Variants in TRMT1L observed in about 807,000 individuals in gnomAD.
The protein encoded by TRMT1L is tRNA methyltransferase 1L.
Under a neutral mutation model 81.6 loss-of-function variants are expected in TRMT1L, and 28 were observed. The observed-to-expected ratio is 0.34, with a 90% confidence interval of 0.25 to 0.47. The LOEUF (loss-of-function observed/expected upper bound fraction) is 0.47, where lower values mean the gene tolerates loss of function less well. Ranked by LOEUF, TRMT1L falls within the 20% of genes least tolerant of loss-of-function variation. The pLI is 1.00. For synonymous variants in TRMT1L, 301 were observed against 303.2 expected, an observed-to-expected ratio of 0.99 and a Z score of 0.07; for missense variants, 739 against 877.1, an observed-to-expected ratio of 0.84 and a Z score of 1.99.
rs1316047335 is a variant in TRMT1L, at chr1:185,118,325, A to AAATT, written c.*1690_*1693dup. On this transcript the variant is annotated 3_prime_UTR_variant, in exon 15 of 15. Transcript: ENST00000367506. ...TTTGAAAAATCTACCTTTATATGTG[A>AAATT]AATTAATATACACATATATTTTAGG... is the stretch of plus-strand genomic sequence containing the variant. The AAATT allele has an allele frequency of 6.6e-6, 1 of 152,174 alleles. No individual in the cohort carries two copies. Among genetic ancestry groups the AAATT allele is most frequent in the African/African-American group, 2.4e-5 (1 of 41,432 alleles). 9.4% of individuals were successfully genotyped at this position (152,174 alleles called of 1,614,324 possible).
At chr1:185,127,699 T>C (rs1481209459) in intron 11 of TRMT1L, among the ~76,000 whole-genome samples, 2 of 131,972 alleles carry the variant, frequency 1.5e-5, no homozygotes, top group East Asian at 4.5e-4. Flanking sequence ...GCAGAGGTTG[T>C]GGTGAGCCGA....
At chr1:185,147,601 T>C (rs1324314086) in intron 3 of TRMT1L, among the ~76,000 whole-genome samples, 3 of 152,168 alleles carry the variant, frequency 2.0e-5, no homozygotes, top group African/African-American at 4.8e-5. Flanking sequence ...CTTTACCTCA[T>C]GCTATTGATA....
chr1:185,153,757 G>T (rs1653423402), intron 1 of TRMT1L, among the ~76,000 whole-genome samples: 1 of 152,076 alleles, frequency 6.6e-6, no homozygotes, highest in Admixed American at 6.5e-5. Flanking sequence ...TTAAGATTAG[G>T]AGAAACTGAT....
intron 11 of TRMT1L, among the ~76,000 whole-genome samples, chr1:185,128,097 A>G (rs533065389): frequency 6.6e-6 from 1 of 152,142 alleles, no homozygotes; most frequent in South Asian, 2.1e-4. Context: ...CTGGGTGACA[A>G]GAGCGGGACT....
chr1:185,137,368 T>C (rs1652925481), intron 10 of TRMT1L: 2 of 585,412 alleles, frequency 3.4e-6, no homozygotes, highest in South Asian at 1.9e-5. Context: ...AAGTTATTTC[T>C]AGATGTTTCG....
At chr1:185,146,274 C>A (rs1172263736) in intron 4 of TRMT1L, among the ~76,000 whole-genome samples, 1 of 152,006 alleles carries the variant, frequency 6.6e-6, no homozygotes, top group Non-Finnish European at 1.5e-5. Context: ...CAGTACCCCA[C>A]TGAATGTTAG....
In TRMT1L at chr1:185,156,495, G is replaced by C. The variant is rs761591548; in HGVS notation, c.218C>G (p.Pro73Arg). 17 of 1,613,828 alleles carry C rather than the reference G, an allele frequency of 1.1e-5. No homozygotes were observed. The highest frequency in any genetic ancestry group is 1.4e-5 in the Non-Finnish European group (17 of 1,179,910). ...PALSPSLASAPEEAKSKRHIS... is the reference protein window; with the variant it reads ...PALSPSLASAREEAKSKRHIS... Reference sequence around the variant, plus strand: ...GCACTTACTGCTTTTAGCCTCCTCAGGGGCAGAGGCTAGGGACGGGGACAG... The same window carrying C: ...GCACTTACTGCTTTTAGCCTCCTCACGGGCAGAGGCTAGGGACGGGGACAG... Residue 73 changes from proline (P) to arginine (R), a missense_variant, in exon 1 of 15, where the codon CCT becomes CGT. Around this residue, in one of 4 missense-constraint regions of TRMT1L, gnomAD observed 209 missense variants for 165.4 expected, o/e 1.26. Transcript: ENST00000367506.
At chr1:185,126,154 T>C (rs1204462454) in intron 11 of TRMT1L, among the ~76,000 whole-genome samples, 1 of 152,066 alleles carries the variant, frequency 6.6e-6, no homozygotes, top group Non-Finnish European at 1.5e-5. Flanking sequence ...TGAACTTGAA[T>C]TCCTGGGCTC....
intron 5 of TRMT1L, among the ~76,000 whole-genome samples, chr1:185,145,237 A>G (rs1478235771): frequency 6.6e-6 from 1 of 151,848 alleles, no homozygotes. Context: ...TTTCTACACC[A>G]TTTATTAAAT....
chr1:185,123,778 T>G, intron 13 of TRMT1L, 79 bp downstream of exon 13: 1 of 819,424 alleles, frequency 1.2e-6, no homozygotes, highest in Non-Finnish European at 1.8e-6. Context: ...ACCATGGCAA[T>G]CTCTTCTCTT....
At chr1:185,130,390 GGAGGTAAC>G (rs1397834083) in intron 10 of TRMT1L, among the ~76,000 whole-genome samples, 1 of 152,138 alleles carries the variant, frequency 6.6e-6, no homozygotes, top group East Asian at 1.9e-4. Flanking sequence ...AAATGGGAGA[GGAGGTAAC>G]AAAAGATGAG....
intron 3 of TRMT1L, among the ~76,000 whole-genome samples, chr1:185,147,516 G>C (rs918964085): frequency 6.6e-6 from 1 of 152,036 alleles, no homozygotes; most frequent in Non-Finnish European, 1.5e-5. Flanking sequence ...GTTTTATCTT[G>C]GATTAGTCAT....
At chr1:185,136,085 T>C (rs1280229307) in intron 10 of TRMT1L, among the ~76,000 whole-genome samples, 1 of 152,188 alleles carries the variant, frequency 6.6e-6, no homozygotes, top group Non-Finnish European at 1.5e-5. Flanking sequence ...ATATGTATTG[T>C]AGATGAAAAG....
In TRMT1L at chr1:185,142,820, C is replaced by T. The variant is rs1653084509; in HGVS notation, c.859+537G>A. On this transcript the variant is annotated intron_variant, in intron 7 of 14. Coordinates refer to ENST00000367506, the MANE Select transcript of TRMT1L (RefSeq NM_030934.5). Reference sequence around the variant, plus strand: ...ATGTTAAGTCAACAAATAATTATCACACACACAGAAAATGATAGAAGGACC... The same window carrying T: ...ATGTTAAGTCAACAAATAATTATCATACACACAGAAAATGATAGAAGGACC... 2.6e-5 allele frequency among the ~76,000 whole-genome samples: 4 copies of T among 152,032 alleles called. No homozygotes were observed. The South Asian group carries it at 6.2e-4, about 24-fold the overall frequency.
At chr1:185,156,416 C>A in intron 1 of TRMT1L, 62 bp downstream of exon 1, 13 of 1,613,032 alleles carry the variant, frequency 8.1e-6, no homozygotes, top group Non-Finnish European at 1.1e-5. Context: ...GCCTCCCCTA[C>A]TTCCCAGCAA....
At chr1:185,130,902 A>G (rs1160798285) in intron 10 of TRMT1L, among the ~76,000 whole-genome samples, 1 of 152,230 alleles carries the variant, frequency 6.6e-6, no homozygotes, top group African/African-American at 2.4e-5. Context: ...TACCAATCCA[A>G]GACAAAAGAT....
At chr1:185,155,966 G>T (rs1295297319) in intron 1 of TRMT1L, among the ~76,000 whole-genome samples, 1 of 152,176 alleles carries the variant, frequency 6.6e-6, no homozygotes, top group Non-Finnish European at 1.5e-5. Context: ...AGCTGCTAGC[G>T]GGGGAAAAGA....
rs979873280 is a variant in TRMT1L, at chr1:185,125,188, A to G, written c.1593-78T>C. The stretch of plus-strand genomic sequence containing the variant: ...AAAAGAAAGTCTTCACAATTTAACT[A>G]TAAGTAAGATATATAATTAATTATA... On this transcript the variant is annotated intron_variant, in intron 11 of 14. Transcript: ENST00000367506. 1.2e-5 allele frequency: 12 copies of G among 998,760 alleles called. No individual in the cohort carries two copies. The East Asian group carries it at 1.4e-4, about 11-fold the overall frequency. The allele number at this position is 998,760 out of a possible 1,614,324, so 61.9% of individuals were successfully genotyped here. A position where few individuals can be genotyped will look rare whatever the true frequency, so the allele number is the denominator to read the frequency against.
At chr1:185,149,575 A>G (rs1244169757) in intron 3 of TRMT1L, among the ~76,000 whole-genome samples, 1 of 151,842 alleles carries the variant, frequency 6.6e-6, no homozygotes, top group Non-Finnish European at 1.5e-5. Flanking sequence ...AAGTGCTGAG[A>G]TTACAGGTAT....
Sources: allele counts gnomAD v4.1 joint callset (sites outside exome capture counted in the v4.1 genomes callset), GRCh38; gene constraint gnomAD v4.1.1; regional missense constraint gnomAD v4.1.1; transcripts MANE v1.5; gene names NCBI Gene and HGNC (gene_info 2026-07-23, HGNC 2026-07-21).